The following NRXN1 variants were observed in gnomAD, a reference collection of about 807,000 sequenced individuals.
The protein encoded by NRXN1 is neurexin-1.
A neutral mutation model predicts 150.9 loss-of-function variants in NRXN1; 39 were observed. That is an observed-to-expected ratio of 0.26 (90% CI 0.20 to 0.34). NRXN1 has a LOEUF of 0.34. Ranked by LOEUF, NRXN1 falls within the 10% of genes least tolerant of loss-of-function variation. NRXN1 has a pLI of 1.00. For synonymous variants in NRXN1, 924 were observed against 757.0 expected (o/e 1.22, Z -3.62); for missense variants, 1,815 against 1,949.9 (o/e 0.93, Z 1.30).
intron 18 of NRXN1, among the ~76,000 whole-genome samples, chr2:50,144,546 G>T (rs955858933): frequency 6.6e-6 from 1 of 151,802 alleles, no homozygotes; most frequent in East Asian, 1.9e-4. Context: ...TAATAGAGGG[G>T]GAAACTGGGC....
intron 15 of NRXN1, among the ~76,000 whole-genome samples, chr2:50,480,751 G>C (rs969051766): frequency 6.6e-6 from 1 of 151,974 alleles, no homozygotes. Context: ...GCTACAGCAG[G>C]CTTACACATC....
chr2:50,980,694 T>G (rs2104879112), intron 2 of NRXN1, among the ~76,000 whole-genome samples: 1 of 152,234 alleles, frequency 6.6e-6, no homozygotes, highest in African/African-American at 2.4e-5. Flanking sequence ...CCATAGATGC[T>G]AATGTAATTT....
intron 5 of NRXN1, among the ~76,000 whole-genome samples, chr2:50,872,218 G>A (rs931253471): frequency 1.1e-4 from 16 of 151,658 alleles, no homozygotes; most frequent in African/African-American, 2.7e-4. Flanking sequence ...CTATCTTCAC[G>A]GAACTTACGA....
At chr2:50,075,044 G>T (rs1287733931) in intron 19 of NRXN1, among the ~76,000 whole-genome samples, 3 of 152,284 alleles carry the variant, frequency 2.0e-5, no homozygotes, top group Non-Finnish European at 4.4e-5. Context: ...GCAAGGGCAA[G>T]AAATTGAGAA....
rs549924946 is a variant in NRXN1, at chr2:50,632,195, C to A, written c.833-8580G>T. Reference sequence around the variant, plus strand: ...ATTCTGAGCAATTTATCTATTTAACCAAACCCCAAAGAATAGCCAATTGCT... The same window carrying A: ...ATTCTGAGCAATTTATCTATTTAACAAAACCCCAAAGAATAGCCAATTGCT... On this transcript the variant is annotated intron_variant, in intron 5 of 22. Coordinates refer to ENST00000401669, the MANE Select transcript of NRXN1 (RefSeq NM_001330078.2). Among the ~76,000 whole-genome samples the A allele has an allele frequency of 3.9e-5, 6 of 152,022 alleles. No individual in the cohort carries two copies. In the East Asian group the frequency reaches 9.7e-4, roughly 25 times the overall value.
rs751800245 is a variant in NRXN1, at chr2:51,028,063, C to T, written c.211G>A (p.Asp71Asn). The T allele has an allele frequency of 6.3e-7, 1 of 1,597,224 alleles. No individual in the cohort carries two copies. The highest frequency in any genetic ancestry group is 8.5e-7 in the Non-Finnish European group (1 of 1,175,736). Residue 71 changes from aspartate (D) to asparagine (N), a missense_variant, in exon 2 of 23, where the codon GAC becomes AAC. By Grantham distance (23) the Asp-to-Asn change is conservative. This residue lies in a region of NRXN1 where 554 missense variants were observed against 478.8 expected (regional missense o/e 1.16). Transcript: ENST00000401669. The part of the protein sequence containing the change: ...RSARGLVLYF[D>N]DEGFCDFLEL... ...AGGAAGTCGCAGAAGCCCTCGTCGT[C>T]GAAGTAGAGCACGAGGCCGCGGGCG...
chr2:50,898,418 G>A (rs1160084461), intron 5 of NRXN1, among the ~76,000 whole-genome samples: 1 of 152,116 alleles, frequency 6.6e-6, no homozygotes, highest in Non-Finnish European at 1.5e-5. Flanking sequence ...GAAGTGGCAT[G>A]TCTAACATGT....
chr2:50,144,618 T>A (rs73932951), intron 18 of NRXN1, among the ~76,000 whole-genome samples: 3,784 of 151,936 alleles, frequency 0.025, 149 homozygotes, highest in African/African-American at 0.086. Flanking sequence ...TTTGATTTAG[T>A]GTATGGAATA....
chr2:50,962,361 G>C (rs1457316469), intron 2 of NRXN1, among the ~76,000 whole-genome samples: 1 of 151,530 alleles, frequency 6.6e-6, no homozygotes, highest in African/African-American at 2.4e-5. Context: ...TTTAGTAGTT[G>C]CTAGGCAAGT....
intron 17 of NRXN1, among the ~76,000 whole-genome samples, chr2:50,252,258 C>CT (rs143522284): frequency 0.027 from 1,888 of 69,756 alleles, 120 homozygotes; most frequent in Middle Eastern, 0.14. Flanking sequence ...TTTTTCTTTT[C>CT]TTTTTTTTTT....
chr2:50,683,646 A>AAAAAAAAAAAAAAAAATATATATATAT lies in NRXN1; in HGVS notation c.833-60032_833-60031insATATATATATATTTTTTTTTTTTTTTT. On this transcript the variant is annotated intron_variant, in intron 5 of 22. Transcript: ENST00000401669. ...GACTCCGTCTCAAAAAAAAAAAAAA[A>AAAAAAAAAAAAAAAAATATATATATAT]ATATATATATATATATATATGTTAT... Among the ~76,000 whole-genome samples, 21 of 14,876 alleles carry AAAAAAAAAAAAAAAAATATATATATAT rather than the reference A, an allele frequency of 1.4e-3. 2 individuals carry two copies. Among genetic ancestry groups the AAAAAAAAAAAAAAAAATATATATATAT allele is most frequent in the Non-Finnish European group, 1.9e-3 (17 of 9,172 alleles). 9.8% of individuals were successfully genotyped at this position (14,876 alleles called of 152,430 possible). A position where few individuals can be genotyped will look rare whatever the true frequency, so the allele number is the denominator to read the frequency against.
intron 9 of NRXN1, among the ~76,000 whole-genome samples, chr2:50,547,784 A>C (rs2093528344): frequency 6.6e-6 from 1 of 152,148 alleles, no homozygotes; most frequent in Admixed American, 6.5e-5. Context: ...AGGATCTGGA[A>C]GTGCCATTTA....
chr2:49,922,259 A>G lies in NRXN1; in HGVS notation c.4217-8T>C. 1 of 1,610,902 alleles carries G rather than the reference A, an allele frequency of 6.2e-7. No individual in the cohort carries two copies. Among genetic ancestry groups the G allele is most frequent in the African/African-American group, 1.3e-5 (1 of 75,006 alleles). Reference sequence around the variant, plus strand: ...CTGCTCGGGTTGGGTTGGCTATAGAAAAGAGGATGAGAACAAACACAAAGT... The same window carrying G: ...CTGCTCGGGTTGGGTTGGCTATAGAGAAGAGGATGAGAACAAACACAAAGT... On this transcript the variant is annotated splice_polypyrimidine_tract_variant and splice_region_variant and intron_variant, in intron 22 of 22. Transcript: ENST00000401669.
intron 15 of NRXN1, among the ~76,000 whole-genome samples, chr2:50,484,270 T>A (rs1339931918): frequency 6.6e-6 from 1 of 151,568 alleles, no homozygotes; most frequent in Admixed American, 6.6e-5. Context: ...CATTTCTGTA[T>A]TTTTTTTTCC....
Position 50,879,826 on chromosome 2 carries a change from T to C in NRXN1, c.832+42043A>G, listed in dbSNP as rs375243892. 6.6e-5 allele frequency among the ~76,000 whole-genome samples: 10 copies of C among 152,032 alleles called. No homozygotes were observed. The South Asian group carries it at 2.1e-3, about 32-fold the overall frequency. ...ATAGGAAAAGAATCTTGTCATGTTG[T>C]GTTATGGTCGTAATGCTACAGAAAG... On this transcript the variant is annotated intron_variant, in intron 5 of 22. Transcript: ENST00000401669.
chr2:50,625,764 G>C (rs979305331), intron 5 of NRXN1, among the ~76,000 whole-genome samples: 1 of 152,062 alleles, frequency 6.6e-6, no homozygotes, highest in Non-Finnish European at 1.5e-5. Flanking sequence ...AAAATGGTTA[G>C]AGATACCAAT....
At chr2:50,372,737 A>G (rs1300152326) in intron 17 of NRXN1, among the ~76,000 whole-genome samples, 1 of 152,160 alleles carries the variant, frequency 6.6e-6, no homozygotes, top group Admixed American at 6.6e-5. Context: ...TGATGTAGCA[A>G]CAATTATGCA....
chr2:50,408,846 TC>T (rs2082942909), intron 17 of NRXN1, among the ~76,000 whole-genome samples: 1 of 85,544 alleles, frequency 1.2e-5, no homozygotes, highest in Admixed American at 1.2e-4. Flanking sequence ...AATCTCTCTC[TC>T]TCTCTCTCTC....
Position 50,695,841 on chromosome 2 carries a change from A to ATTTT in NRXN1, c.833-72230_833-72227dup, listed in dbSNP as rs5831150. The stretch of plus-strand genomic sequence containing the variant: ...AATAAGCCTAACCAGAGTGACTCTG[A>ATTTT]TTTTTTTTTTTTTTTTTTTGAGATG... On this transcript the variant is annotated intron_variant, in intron 5 of 22. Coordinates refer to ENST00000401669, the MANE Select transcript of NRXN1 (RefSeq NM_001330078.2). Among the ~76,000 whole-genome samples the ATTTT allele has an allele frequency of 7.9e-5, 10 of 127,292 alleles. 1 individual carries two copies. The highest frequency in any genetic ancestry group is 1.7e-4 in the Admixed American group (2 of 11,834). The allele number at this position is 127,292 out of a possible 152,430, so 83.5% of individuals were successfully genotyped here. A position where few individuals can be genotyped will look rare whatever the true frequency, so the allele number is the denominator to read the frequency against.
Sources: gnomAD v4.1 joint callset for allele counts (sites outside exome capture counted in the v4.1 genomes callset) on GRCh38, gnomAD v4.1.1 for gene constraint, gnomAD v4.1.1 regional missense constraint, MANE v1.5 for transcripts, NCBI Gene and HGNC (gene_info 2026-07-23, HGNC 2026-07-21) for gene names.